Variants in DOCK3 observed in about 807,000 individuals in gnomAD.
DOCK3 encodes dedicator of cytokinesis protein 3.
A neutral mutation model predicts 265.6 loss-of-function variants in DOCK3; 60 were observed. The ratio of observed to expected loss-of-function variants is 0.23; its 90% confidence interval spans 0.18 to 0.28. The LOEUF is 0.28. Ranked by LOEUF, DOCK3 falls within the 10% of genes least tolerant of loss-of-function variation. DOCK3 has a pLI of 1.00. For synonymous variants in DOCK3, 881 were observed against 938.0 expected (o/e 0.94, Z 1.11); for missense variants, 1,981 against 2,594.3 (o/e 0.76, Z 5.14).
At chr3:50,806,190 T>C (rs2043403581) in intron 2 of DOCK3, among the ~76,000 whole-genome samples, 2 of 151,982 alleles carry the variant, frequency 1.3e-5, no homozygotes, top group South Asian at 2.1e-4. Flanking sequence ...GGGTGTGGTG[T>C]GTCTGCCAGG....
intron 5 of DOCK3, among the ~76,000 whole-genome samples, chr3:50,943,609 A>G (rs1228026738): frequency 6.6e-6 from 1 of 152,144 alleles, no homozygotes; most frequent in South Asian, 2.1e-4. Flanking sequence ...TTGTGAATAT[A>G]TATTATTTTA....
intron 12 of DOCK3, among the ~76,000 whole-genome samples, chr3:51,166,547 C>T (rs1479394473): frequency 6.6e-6 from 1 of 152,202 alleles, no homozygotes; most frequent in Non-Finnish European, 1.5e-5. Context: ...AACTGCCATA[C>T]CATAATGGCT....
chr3:51,006,595 T>C (rs1039562000), intron 5 of DOCK3, among the ~76,000 whole-genome samples: 1 of 152,192 alleles, frequency 6.6e-6, no homozygotes, highest in East Asian at 1.9e-4. Context: ...ACTCATTCCC[T>C]TCAAGCTCTG....
At chr3:51,080,021 T>A (rs6808206) in intron 7 of DOCK3, among the ~76,000 whole-genome samples, 137,244 of 152,290 alleles carry the variant, frequency 0.9, 62,038 homozygotes, top group African/African-American at 0.95. Flanking sequence ...TCATTTCTGG[T>A]ATAAATCAGT....
intron 1 of DOCK3, among the ~76,000 whole-genome samples, chr3:50,710,311 A>G (rs1181409696): frequency 6.6e-6 from 1 of 151,798 alleles, no homozygotes; most frequent in Non-Finnish European, 1.5e-5. Flanking sequence ...AACTCAAATC[A>G]GCAAGAATAA....
intron 12 of DOCK3, among the ~76,000 whole-genome samples, chr3:51,175,644 G>A (rs1246183207): frequency 6.6e-6 from 1 of 152,226 alleles, no homozygotes; most frequent in Non-Finnish European, 1.5e-5. Context: ...CTGCACTGCA[G>A]TTGGGAGGGG....
At chr3:50,875,947 G>A (rs2047683525) in intron 3 of DOCK3, among the ~76,000 whole-genome samples, 1 of 151,600 alleles carries the variant, frequency 6.6e-6, no homozygotes, top group Non-Finnish European at 1.5e-5. Flanking sequence ...TATTGAACAA[G>A]AACAGAGCTG....
At chr3:51,267,670 G>C (rs2080270423) in intron 23 of DOCK3, among the ~76,000 whole-genome samples, 1 of 152,122 alleles carries the variant, frequency 6.6e-6, no homozygotes, top group African/African-American at 2.4e-5. Flanking sequence ...ACACGCATGA[G>C]CCACCGCGCC....
chr3:51,145,230 A>G (rs994184183), intron 9 of DOCK3, among the ~76,000 whole-genome samples: 29 of 131,452 alleles, frequency 2.2e-4, no homozygotes, highest in African/African-American at 7.5e-4. Context: ...ATCTCTTTTT[A>G]TTATTATTAT....
At chr3:50,874,155 T>C (rs2047585162) in intron 3 of DOCK3, among the ~76,000 whole-genome samples, 1 of 151,250 alleles carries the variant, frequency 6.6e-6, no homozygotes, top group African/African-American at 2.4e-5. Flanking sequence ...CTTTTTCTCC[T>C]GTCATTGGTA....
intron 22 of DOCK3, among the ~76,000 whole-genome samples, chr3:51,254,996 G>A (rs1383528674): frequency 2.0e-5 from 3 of 152,162 alleles, no homozygotes; most frequent in Non-Finnish European, 2.9e-5. Context: ...TTTTTGTGGT[G>A]GCTGGTACCA....
At chr3:51,140,896 T>C (rs1424949960) in intron 9 of DOCK3, among the ~76,000 whole-genome samples, 1 of 152,228 alleles carries the variant, frequency 6.6e-6, no homozygotes, top group Non-Finnish European at 1.5e-5. Flanking sequence ...TTGTGTATTT[T>C]CTTTGGAGAA....
intron 2 of DOCK3, among the ~76,000 whole-genome samples, chr3:50,790,191 G>A (rs1267600772): frequency 6.6e-6 from 1 of 152,108 alleles, no homozygotes; most frequent in African/African-American, 2.4e-5. Flanking sequence ...AAGTTTATAT[G>A]AGTCCTTATA....
At chr3:50,948,329 A>G (rs982286851) in intron 5 of DOCK3, among the ~76,000 whole-genome samples, 1 of 150,526 alleles carries the variant, frequency 6.6e-6, no homozygotes, top group African/African-American at 2.4e-5. Flanking sequence ...TGCTGGGATT[A>G]CAGGCGTGAG....
chr3:51,221,985 T>G (rs1385421934), intron 14 of DOCK3, among the ~76,000 whole-genome samples: 1 of 152,176 alleles, frequency 6.6e-6, no homozygotes, highest in Non-Finnish European at 1.5e-5. Context: ...TTCCTAGTGT[T>G]AAATAATGAA....
chr3:51,345,219 T>G (rs1215416980), intron 38 of DOCK3, among the ~76,000 whole-genome samples: 1 of 152,178 alleles, frequency 6.6e-6, no homozygotes, highest in Non-Finnish European at 1.5e-5. Flanking sequence ...AGGACTGATA[T>G]ACGCCCCCTT....
intron 1 of DOCK3, among the ~76,000 whole-genome samples, chr3:50,752,259 C>T (rs189484739): frequency 6.6e-6 from 1 of 152,122 alleles, no homozygotes; most frequent in Admixed American, 6.5e-5. Flanking sequence ...CCCTGTAATC[C>T]CAGTACTTTG....
chr3:51,056,786 C>A (rs2081218586), intron 5 of DOCK3, among the ~76,000 whole-genome samples: 1 of 152,044 alleles, frequency 6.6e-6, no homozygotes, highest in African/African-American at 2.4e-5. Context: ...TGAGAAAAAA[C>A]CCATCTACTT....
chr3:50,690,110 G>A (rs946905633), intron 1 of DOCK3, among the ~76,000 whole-genome samples: 19 of 150,778 alleles, frequency 1.3e-4, no homozygotes, highest in Admixed American at 1.2e-3. Flanking sequence ...CAAAACGTAC[G>A]TAACATAAAA....
Sources: gnomAD v4.1 joint callset for allele counts (sites outside exome capture counted in the v4.1 genomes callset) on GRCh38, gnomAD v4.1.1 for gene constraint, MANE v1.5 for transcripts, NCBI Gene and HGNC (gene_info 2026-07-23, HGNC 2026-07-21) for gene names.